SMIM13: variants seen among roughly 807,000 people sequenced by gnomAD.
SMIM13 encodes small integral membrane protein 13.
SMIM13 carries 3 observed loss-of-function variants against 5.9 expected under a neutral mutation model. The observed-to-expected ratio is 0.51, with a 90% CI of 0.23 to 1.31. The LOEUF is 1.31. Among genes scored for constraint, SMIM13 ranks in the 40% most tolerant of loss-of-function variants. The pLI, the probability that SMIM13 is intolerant of heterozygous loss-of-function variation, is 0.18. For synonymous variants in SMIM13, 55 were observed against 46.0 expected (o/e 1.19, Z -0.79); for missense variants, 85 against 109.9 (o/e 0.77, Z 1.01).
At chr6:11,103,414 G>T in intron 1 of SMIM13, 2 of 395,396 alleles carry the variant, frequency 5.1e-6, no homozygotes, top group Non-Finnish European at 8.9e-6. Context: ...GCCCTCCCCT[G>T]CCCTGCTCAT....
In SMIM13 at chr6:11,127,165, A is replaced by G. The variant is rs1057104811; in HGVS notation, c.77-7238A>G. Among the ~76,000 whole-genome samples, 9 of 152,202 alleles carry G rather than the reference A, an allele frequency of 5.9e-5. No individual in the cohort carries two copies. In the East Asian group the frequency reaches 7.7e-4, roughly 13 times the overall value. On this transcript the variant is annotated intron_variant, in intron 1 of 1. Transcript: ENST00000416247. ...GCCACTTACGTTTGCTCAAGGCCCA[A>G]GGGCTCTACAATCAGCAGGTGGTGA... is the stretch of plus-strand genomic sequence containing the variant.
chr6:11,110,023 C>T (rs1404176396), intron 1 of SMIM13, among the ~76,000 whole-genome samples: 1 of 152,160 alleles, frequency 6.6e-6, no homozygotes, highest in Non-Finnish European at 1.5e-5. Context: ...CCAGTGCTTA[C>T]CAGGTACCCC....
chr6:11,106,688 C>G (rs1346465017), intron 1 of SMIM13, among the ~76,000 whole-genome samples: 1 of 152,220 alleles, frequency 6.6e-6, no homozygotes, highest in Admixed American at 6.5e-5. Context: ...AGCAAGGCCC[C>G]CATGAAGGTA....
chr6:11,136,286 A>G lies in SMIM13; in HGVS notation c.*1684A>G, dbSNP rs1171318475. ...TTGCCAGGTTTCCGTGTTTGTCTCA[A>G]CTGAACTCTGGGCTGAGTGTTTACC... On this transcript the variant is annotated 3_prime_UTR_variant, in exon 2 of 2. Transcript: ENST00000416247. 2.6e-5 allele frequency: 4 copies of G among 152,198 alleles called. No individual in the cohort carries two copies. The highest frequency in any genetic ancestry group is 9.7e-5 in the African/African-American group (4 of 41,440). The allele number at this position is 152,198 out of a possible 1,614,324, so 9.4% of individuals were successfully genotyped here.
chr6:11,114,735 A>G (rs1336839468), intron 1 of SMIM13, among the ~76,000 whole-genome samples: 1 of 150,154 alleles, frequency 6.7e-6, no homozygotes, highest in Non-Finnish European at 1.5e-5. Context: ...AGTAGCTGGG[A>G]TTACAGGCGT....
chr6:11,117,169 T>C (rs1304124171), intron 1 of SMIM13, among the ~76,000 whole-genome samples: 3 of 142,834 alleles, frequency 2.1e-5, no homozygotes, highest in Non-Finnish European at 4.6e-5. Flanking sequence ...TTTTGTATTT[T>C]TTTTTTTTTT....
chr6:11,120,551 T>G (rs991886030), intron 1 of SMIM13, among the ~76,000 whole-genome samples: 5 of 152,208 alleles, frequency 3.3e-5, no homozygotes, highest in Non-Finnish European at 5.9e-5. Context: ...CTGCAAATAC[T>G]GTCACATTGG....
chr6:11,134,423 C>A lies in SMIM13; in HGVS notation c.97C>A (p.Leu33Ile), dbSNP rs1561761865. Reference protein sequence around the residue: ...MVCGWYFVWHLFLSKFKFLRE... With the variant: ...MVCGWYFVWHIFLSKFKFLRE... ...TGTAGGTTGGTATTTTGTATGGCAT[C>A]TTTTTTTATCAAAATTCAAGTTTCT... Residue 33 changes from leucine to isoleucine, a missense_variant, in exon 2 of 2, where the codon CTT (leucine) becomes ATT (isoleucine). Leu to Ile is a conservative substitution (Grantham distance 5). Coordinates refer to ENST00000416247, the MANE Select transcript of SMIM13 (RefSeq NM_001135575.2). The A allele has an allele frequency of 1.3e-6, 2 of 1,550,702 alleles. No individual in the cohort carries two copies. Among genetic ancestry groups the A allele is most frequent in the Non-Finnish European group, 1.7e-6 (2 of 1,146,476 alleles).
At chr6:11,112,846 C>T (rs57045912) in intron 1 of SMIM13, among the ~76,000 whole-genome samples, 32,760 of 151,828 alleles carry the variant, frequency 0.22, 3,886 homozygotes, top group African/African-American at 0.31. Context: ...CTTGCTCTGT[C>T]GCCCAAGCTG....
chr6:11,131,758 A>T (rs114557660), intron 1 of SMIM13, among the ~76,000 whole-genome samples: 5 of 152,184 alleles, frequency 3.3e-5, no homozygotes, highest in Non-Finnish European at 5.9e-5. Context: ...CCCCTCTCTT[A>T]TACCAAAATT....
intron 1 of SMIM13, chr6:11,104,800 T>C (rs1398407044): frequency 6.2e-7 from 1 of 1,614,214 alleles, no homozygotes. Context: ...TTGGGGAATC[T>C]TGGTTGATGG....
At position 11,134,604 on chromosome 6, in the gene SMIM13, C is replaced by A; in HGVS notation, c.*2C>A. Reference sequence around the variant, plus strand: ...GAAGGCCACAGACCCCTGACATAGTCCTGTACTTGTGAAGGATGAAAAGGC... The same window carrying A: ...GAAGGCCACAGACCCCTGACATAGTACTGTACTTGTGAAGGATGAAAAGGC... On this transcript the variant is annotated 3_prime_UTR_variant, in exon 2 of 2. Coordinates refer to ENST00000416247, the MANE Select transcript of SMIM13 (RefSeq NM_001135575.2). 6.7e-7 allele frequency: 1 copy of A among 1,488,694 alleles called. No individual in the cohort carries two copies. The highest frequency in any genetic ancestry group is 1.4e-5 in the South Asian group (1 of 73,934). 92.2% of individuals were successfully genotyped at this position (1,488,694 alleles called of 1,614,324 possible). A position where few individuals can be genotyped will look rare whatever the true frequency, so the allele number is the denominator to read the frequency against.
At chr6:11,124,622 G>A (rs973483906) in intron 1 of SMIM13, among the ~76,000 whole-genome samples, 1 of 152,086 alleles carries the variant, frequency 6.6e-6, no homozygotes, top group South Asian at 2.1e-4. Flanking sequence ...TATGTACACA[G>A]TGTTTCCACC....
chr6:11,099,236 G>A (rs558533019), intron 1 of SMIM13, among the ~76,000 whole-genome samples: 35 of 151,982 alleles, frequency 2.3e-4, no homozygotes, highest in South Asian at 1.5e-3. Flanking sequence ...GTACATTGGC[G>A]CGATCTCGGC....
chr6:11,120,653 T>G (rs967565693), intron 1 of SMIM13, among the ~76,000 whole-genome samples: 1 of 152,230 alleles, frequency 6.6e-6, no homozygotes, highest in African/African-American at 2.4e-5. Flanking sequence ...TAGATAGTGC[T>G]TTGTGTTTCA....
At chr6:11,097,350 C>T (rs1757938757) in intron 1 of SMIM13, among the ~76,000 whole-genome samples, 1 of 152,082 alleles carries the variant, frequency 6.6e-6, no homozygotes, top group Admixed American at 6.6e-5. Flanking sequence ...ACCTTAATTA[C>T]CTCTTTAAAA....
At chr6:11,129,079 G>C (rs111512160) in intron 1 of SMIM13, among the ~76,000 whole-genome samples, 16 of 60,984 alleles carry the variant, frequency 2.6e-4, no homozygotes, top group South Asian at 1.1e-3. Context: ...TACCGGGAGC[G>C]GGGGGGGGAT....
intron 1 of SMIM13, among the ~76,000 whole-genome samples, chr6:11,117,165 A>ATTTTTTTTTTTTTTTTTTTTTT (rs34579750): frequency 4.3e-5 from 3 of 69,032 alleles, no homozygotes; most frequent in African/African-American, 1.6e-4. Flanking sequence ...TAATTTTTGT[A>ATTTTTTTTTTTTTTTTTTTTTT]TTTTTTTTTT....
At position 11,100,830 on chromosome 6, in the gene SMIM13, T is replaced by C. The variant is rs546252754; in HGVS notation, c.76+6441T>C. ...TATTGAAAAATTTATTGCCTTCTGT[T>C]TCCTTGTCATTATACATGACTTGGT... On this transcript the variant is annotated intron_variant, in intron 1 of 1. Transcript: ENST00000416247. Among the ~76,000 whole-genome samples the C allele has an allele frequency of 3.3e-5, 5 of 152,326 alleles. No individual in the cohort carries two copies. In the South Asian group the frequency reaches 1.0e-3, roughly 32 times the overall value.
Sources: allele counts gnomAD v4.1 joint callset (sites outside exome capture counted in the v4.1 genomes callset), GRCh38; gene constraint gnomAD v4.1.1; transcripts MANE v1.5; gene names NCBI Gene and HGNC (gene_info 2026-07-23, HGNC 2026-07-21).